SEMA6D: variants seen among roughly 807,000 people sequenced by gnomAD.
The protein encoded by SEMA6D is semaphorin-6D.
In SEMA6D, 35 loss-of-function variants were observed where a neutral mutation model predicts 106.6. The observed-to-expected ratio is 0.33, with a 90% CI of 0.25 to 0.44. The LOEUF is 0.44. Among genes scored for constraint, SEMA6D ranks in the 20% least tolerant of loss-of-function variants. The probability of loss-of-function intolerance (pLI) is 1.00; values close to 1 mark genes in which losing one functional copy is unlikely to be tolerated. For missense variants in SEMA6D, 1,185 were observed against 1,345.9 expected, an observed-to-expected ratio of 0.88 and a Z score of 1.87; for synonymous variants, 499 against 487.7, an observed-to-expected ratio of 1.02 and a Z score of -0.31.
At chr15:47,404,560 C>G (rs2040500216) in intron 1 of SEMA6D, among the ~76,000 whole-genome samples, 1 of 152,094 alleles carries the variant, frequency 6.6e-6, no homozygotes, top group Non-Finnish European at 1.5e-5. Flanking sequence ...CTGATTGGAC[C>G]CTAACATTGT....
intron 2 of SEMA6D, among the ~76,000 whole-genome samples, chr15:47,436,768 A>AAAAAATATATATAT (rs1302309417): frequency 4.0e-5 from 5 of 125,402 alleles, no homozygotes; most frequent in African/African-American, 1.5e-4. Context: ...TAAAAAAAAA[A>AAAAAATATATATAT]ATATATATAT....
intron 1 of SEMA6D, among the ~76,000 whole-genome samples, chr15:47,336,681 G>A (rs1289724523): frequency 1.3e-5 from 2 of 152,172 alleles, no homozygotes; most frequent in Non-Finnish European, 2.9e-5. Context: ...TTATACAGGA[G>A]TGTGCTACCT....
At chr15:47,682,223 A>G (rs1019395837) in intron 4 of SEMA6D, among the ~76,000 whole-genome samples, 55 of 150,628 alleles carry the variant, frequency 3.7e-4, no homozygotes, top group African/African-American at 1.3e-3. Context: ...GCTGGACTGC[A>G]GTGGCGCTAT....
At chr15:47,632,611 A>C (rs2077313128) in intron 4 of SEMA6D, among the ~76,000 whole-genome samples, 1 of 151,870 alleles carries the variant, frequency 6.6e-6, no homozygotes. Flanking sequence ...TTGGTTACTA[A>C]TTTTCATAGA....
At chr15:47,608,960 A>G (rs2076837176) in intron 4 of SEMA6D, among the ~76,000 whole-genome samples, 1 of 152,170 alleles carries the variant, frequency 6.6e-6, no homozygotes, top group African/African-American at 2.4e-5. Context: ...TTTCTAGCCT[A>G]TGTTCATATA....
intron 1 of SEMA6D, among the ~76,000 whole-genome samples, chr15:47,746,566 A>G (rs1656985692): frequency 6.6e-6 from 1 of 152,174 alleles, no homozygotes; most frequent in South Asian, 2.1e-4. Context: ...GCATCAGACA[A>G]GTCAGTAGCA....
chr15:47,578,540 G>A (rs779432990), intron 3 of SEMA6D, among the ~76,000 whole-genome samples: 1 of 152,164 alleles, frequency 6.6e-6, no homozygotes. Flanking sequence ...AATAGAAAAC[G>A]TATAATAACA....
chr15:47,755,701 C>G (rs2081683887), intron 1 of SEMA6D, among the ~76,000 whole-genome samples: 1 of 151,856 alleles, frequency 6.6e-6, no homozygotes, highest in South Asian at 2.1e-4. Context: ...TGGTTATTTA[C>G]TGGAACTCTT....
intron 1 of SEMA6D, among the ~76,000 whole-genome samples, chr15:47,339,473 T>C (rs1185881040): frequency 6.6e-6 from 1 of 152,210 alleles, no homozygotes; most frequent in African/African-American, 2.4e-5. Flanking sequence ...GCAGTATTCT[T>C]CTGTGTTGAT....
chr15:47,359,472 G>A (rs1249172244), intron 1 of SEMA6D: 5 of 152,150 alleles, frequency 3.3e-5, no homozygotes, highest in African/African-American at 1.2e-4. Flanking sequence ...AGTGTGGGGC[G>A]ACAGAGTAGG....
intron 3 of SEMA6D, among the ~76,000 whole-genome samples, chr15:47,583,730 G>A (rs1453301947): frequency 6.6e-6 from 1 of 152,156 alleles, no homozygotes; most frequent in Non-Finnish European, 1.5e-5. Context: ...GTGTATTCCA[G>A]GACATGTGGC....
At chr15:47,482,008 C>T (rs1179541631) in intron 3 of SEMA6D, among the ~76,000 whole-genome samples, 9 of 151,994 alleles carry the variant, frequency 5.9e-5, no homozygotes, top group East Asian at 1.9e-4. Context: ...CCTCATGTAA[C>T]GAGAGTTGGA....
intron 3 of SEMA6D, among the ~76,000 whole-genome samples, chr15:47,504,663 C>T (rs534525972): frequency 2.0e-5 from 3 of 152,096 alleles, no homozygotes; most frequent in Non-Finnish European, 2.9e-5. Flanking sequence ...AAACGGGTGC[C>T]TTAATATGCC....
At chr15:47,640,621 C>T (rs141557824) in intron 4 of SEMA6D, among the ~76,000 whole-genome samples, 34 of 152,216 alleles carry the variant, frequency 2.2e-4, no homozygotes, top group Middle Eastern at 3.4e-3. Context: ...GAATTTTGTA[C>T]GTCTATGAGC....
At chr15:47,620,761 GT>G (rs201859943) in intron 4 of SEMA6D, among the ~76,000 whole-genome samples, 4 of 151,234 alleles carry the variant, frequency 2.6e-5, no homozygotes, top group South Asian at 4.2e-4. Context: ...GTGAGTGTGG[GT>G]TTTTTTTAAC....
At chr15:47,548,506 C>T (rs964566565) in intron 3 of SEMA6D, among the ~76,000 whole-genome samples, 1 of 152,086 alleles carries the variant, frequency 6.6e-6, no homozygotes, top group African/African-American at 2.4e-5. Flanking sequence ...AGCCATTGCT[C>T]TTCTAATGTA....
At position 47,773,036 on chromosome 15, in the gene SEMA6D, G is replaced by T. The variant is rs1340138211; in HGVS notation, c.*1251G>T. 3 of 152,494 alleles carry T rather than the reference G, an allele frequency of 2.0e-5. No homozygotes were observed. The East Asian group carries it at 5.8e-4, about 29-fold the overall frequency. 9.4% of individuals were successfully genotyped at this position (152,494 alleles called of 1,614,324 possible). A position where few individuals can be genotyped will look rare whatever the true frequency, so the allele number is the denominator to read the frequency against. On this transcript the variant is annotated 3_prime_UTR_variant, in exon 19 of 19. Transcript: ENST00000536845. ...GTCATGCAGGTAATGACAATATACT[G>T]TAAATACCACATGTGAGTTTACCTG...
At chr15:47,589,712 T>C (rs1000332184) in intron 3 of SEMA6D, among the ~76,000 whole-genome samples, 7 of 152,196 alleles carry the variant, frequency 4.6e-5, no homozygotes, top group Non-Finnish European at 1.0e-4. Context: ...GGCTAAGGGA[T>C]CCCTCGAGAA....
intron 4 of SEMA6D, among the ~76,000 whole-genome samples, chr15:47,640,996 G>A (rs1308672175): frequency 1.3e-5 from 2 of 152,114 alleles, no homozygotes; most frequent in East Asian, 1.9e-4. Context: ...CATTTCTTGG[G>A]AAAGGAAGTC....
Sources: gnomAD v4.1 joint callset for allele counts (sites outside exome capture counted in the v4.1 genomes callset) on GRCh38, gnomAD v4.1.1 for gene constraint, MANE v1.5 for transcripts, NCBI Gene and HGNC (gene_info 2026-07-23, HGNC 2026-07-21) for gene names.